The following TMED3 variants were observed in gnomAD, a reference collection of about 807,000 sequenced individuals.
TMED3 encodes transmembrane p24 trafficking protein 3, also known as transmembrane emp24 domain-containing protein 3.
TMED3 carries 9 observed loss-of-function variants against 15.0 expected under a neutral mutation model. The ratio of observed to expected loss-of-function variants is 0.60; its 90% confidence interval spans 0.36 to 1.04. TMED3 has a LOEUF of 1.04. Among genes scored for constraint, TMED3 ranks in the 50% least tolerant of loss-of-function variants. The pLI is 0.01. For missense variants in TMED3, 267 were observed against 278.9 expected (o/e 0.96, Z 0.30); for synonymous variants, 117 against 121.4 (o/e 0.96, Z 0.24).
At chr15:79,314,026 C>T (rs375404187) in intron 2 of TMED3, 21 bp downstream of exon 2, 24 of 1,613,266 alleles carry the variant, frequency 1.5e-5, no homozygotes, top group African/African-American at 9.3e-5. Flanking sequence ...ATTAGCAGTT[C>T]GGGGCTGCTG....
chr15:79,369,613 C>T (rs1567034483), intron 2 of TMED3, among the ~76,000 whole-genome samples: 1 of 152,192 alleles, frequency 6.6e-6, no homozygotes, highest in Non-Finnish European at 1.5e-5. Flanking sequence ...ACAATATTAG[C>T]CAGAATGGGG....
At chr15:79,348,440 A>G (rs955082129) in intron 2 of TMED3, among the ~76,000 whole-genome samples, 2 of 152,234 alleles carry the variant, frequency 1.3e-5, no homozygotes, top group Non-Finnish European at 2.9e-5. Flanking sequence ...ATTTACACAT[A>G]AGAATGCTGA....
chr15:79,366,940 T>C (rs1346061905), intron 2 of TMED3, among the ~76,000 whole-genome samples: 1 of 152,188 alleles, frequency 6.6e-6, no homozygotes, highest in Admixed American at 6.5e-5. Flanking sequence ...TGGTTTTGAC[T>C]CATCAGATGG....
At chr15:79,395,425 C>G (rs1893751703) in intron 2 of TMED3, among the ~76,000 whole-genome samples, 1 of 152,236 alleles carries the variant, frequency 6.6e-6, no homozygotes. Context: ...AGGTGATCCA[C>G]CCGCATGGGC....
intron 2 of TMED3, among the ~76,000 whole-genome samples, chr15:79,410,559 C>T (rs143214127): frequency 7.1e-4 from 108 of 152,266 alleles, no homozygotes; most frequent in African/African-American, 2.5e-3. Flanking sequence ...AATTCCATCA[C>T]CAGCTTAATT....
At chr15:79,320,817 G>T (rs2058763255) in intron 2 of TMED3, among the ~76,000 whole-genome samples, 1 of 152,142 alleles carries the variant, frequency 6.6e-6, no homozygotes, top group African/African-American at 2.4e-5. Flanking sequence ...TGTGAGCCTG[G>T]GCAGGTTGGC....
At chr15:79,400,235 A>G (rs188742122) in intron 2 of TMED3, among the ~76,000 whole-genome samples, 1 of 152,174 alleles carries the variant, frequency 6.6e-6, no homozygotes, top group East Asian at 1.9e-4. Flanking sequence ...CTTCAATGTC[A>G]CTTCCACAAA....
At chr15:79,389,486 G>A (rs1029903821) in intron 2 of TMED3, among the ~76,000 whole-genome samples, 3 of 151,966 alleles carry the variant, frequency 2.0e-5, no homozygotes, top group Admixed American at 1.3e-4. Context: ...TATTTTTGGT[G>A]ATTATGGGCT....
At chr15:79,343,094 A>C (rs1189451695) in intron 2 of TMED3, among the ~76,000 whole-genome samples, 2 of 152,182 alleles carry the variant, frequency 1.3e-5, no homozygotes, top group Non-Finnish European at 1.5e-5. Flanking sequence ...TTTGAGGAAC[A>C]GCATGGAGAT....
chr15:79,411,215 G>T (rs1893974298), intron 2 of TMED3, among the ~76,000 whole-genome samples: 1 of 152,176 alleles, frequency 6.6e-6, no homozygotes, highest in African/African-American at 2.4e-5. Context: ...CCCATTTCTG[G>T]CAGGTGAATG....
chr15:79,378,736 A>G (rs530861186), intron 2 of TMED3, among the ~76,000 whole-genome samples: 1 of 152,224 alleles, frequency 6.6e-6, no homozygotes, highest in Non-Finnish European at 1.5e-5. Flanking sequence ...TTTTAATGAG[A>G]TGAATGCTTG....
At chr15:79,329,842 A>C (rs1407125670) in intron 2 of TMED3, among the ~76,000 whole-genome samples, 1 of 152,230 alleles carries the variant, frequency 6.6e-6, no homozygotes, top group Non-Finnish European at 1.5e-5. Flanking sequence ...CATGTGGACC[A>C]CAATTTTTTT....
intron 2 of TMED3, among the ~76,000 whole-genome samples, chr15:79,386,541 T>G (rs151112047): frequency 6.6e-6 from 1 of 152,172 alleles, no homozygotes; most frequent in Non-Finnish European, 1.5e-5. Context: ...AATAACAGTT[T>G]TTAAATTTTT....
At chr15:79,328,031 G>A (rs1403492382) in intron 2 of TMED3, among the ~76,000 whole-genome samples, 1 of 152,176 alleles carries the variant, frequency 6.6e-6, no homozygotes, top group East Asian at 1.9e-4. Context: ...TATAAGTGTT[G>A]GAGACTGTTC....
chr15:79,316,205 C>T (rs1189155370), intron 2 of TMED3, among the ~76,000 whole-genome samples: 2 of 152,236 alleles, frequency 1.3e-5, no homozygotes, highest in African/African-American at 4.8e-5. Flanking sequence ...GAACAGGTTC[C>T]ATAGTGACCA....
At chr15:79,368,828 C>CT (rs1314947723) in intron 2 of TMED3, among the ~76,000 whole-genome samples, 3 of 152,154 alleles carry the variant, frequency 2.0e-5, no homozygotes, top group African/African-American at 4.8e-5. Flanking sequence ...TGGCTCACAT[C>CT]TGCAATCCCA....
At chr15:79,343,596 G>C (rs77741290) in intron 2 of TMED3, among the ~76,000 whole-genome samples, 3,858 of 152,148 alleles carry the variant, frequency 0.025, 165 homozygotes, top group African/African-American at 0.088. Flanking sequence ...ATATTTCAAA[G>C]GGTCACTATG....
intron 2 of TMED3, among the ~76,000 whole-genome samples, chr15:79,376,633 T>C (rs1337999590): frequency 6.6e-6 from 1 of 152,234 alleles, no homozygotes; most frequent in Non-Finnish European, 1.5e-5. Flanking sequence ...CCCTCCTTTG[T>C]TCTGGAACCT....
At chr15:79,405,385 G>A (rs1283300111) in intron 2 of TMED3, among the ~76,000 whole-genome samples, 3 of 152,178 alleles carry the variant, frequency 2.0e-5, no homozygotes, top group Non-Finnish European at 4.4e-5. Flanking sequence ...ATATAAATTG[G>A]TGTGAATGCC....
Sources: gnomAD v4.1 joint callset for allele counts (sites outside exome capture counted in the v4.1 genomes callset) on GRCh38, gnomAD v4.1.1 for gene constraint, MANE v1.5 for transcripts, NCBI Gene and HGNC (gene_info 2026-07-23, HGNC 2026-07-21) for gene names.